Variants in CYP1A2 observed in about 807,000 individuals in gnomAD.
CYP1A2 encodes the protein cytochrome P450 1A2.
CYP1A2 carries 35 observed loss-of-function variants against 34.7 expected under a neutral mutation model. The ratio of observed to expected loss-of-function variants is 1.01; its 90% confidence interval spans 0.77 to 1.34. CYP1A2 has a LOEUF of 1.34. Among genes scored for constraint, CYP1A2 ranks in the 40% most tolerant of loss-of-function variants. CYP1A2 has a pLI of 0.00. For missense variants in CYP1A2, 675 were observed against 675.8 expected, an observed-to-expected ratio of 1.00 and a Z score of 0.01; for synonymous variants, 288 against 281.9, an observed-to-expected ratio of 1.02 and a Z score of -0.22.
chr15:74,750,839 G>A (rs1457026710), intron 2 of CYP1A2, among the ~76,000 whole-genome samples: 1 of 152,140 alleles, frequency 6.6e-6, no homozygotes, highest in African/African-American at 2.4e-5. Flanking sequence ...GCAATGTGGG[G>A]GGCCTATGAG....
chr15:74,754,991 C>G lies in CYP1A2; in HGVS notation c.1454C>G (p.Pro485Arg). The G allele has an allele frequency of 6.2e-7, 1 of 1,614,236 alleles. No individual in the cohort carries two copies. The highest frequency in any genetic ancestry group is 1.1e-5 in the South Asian group (1 of 91,090). ...LLQQLEFSVP[P>R]GVKVDLTPIY... ...CAGCAACTGGAGTTCAGCGTGCCGC[C>G]GGGCGTGAAAGTCGACCTGACCCCC... The change falls in exon 7 of 7, where the codon CCG (proline) becomes CGG (arginine). Residue 485 changes from proline (P) to arginine (R), a missense_variant. By Grantham distance (103) the Pro-to-Arg change is moderately radical. Coordinates refer to ENST00000343932, the MANE Select transcript of CYP1A2 (RefSeq NM_000761.5).
At position 74,750,416 on chromosome 15, in the gene CYP1A2, C is replaced by T. The variant is rs1596357673; in HGVS notation, c.678C>T (p.Phe226=). 3.7e-6 allele frequency: 6 copies of T among 1,614,146 alleles called. No individual in the cohort carries two copies. Among genetic ancestry groups the T allele is most frequent in the Non-Finnish European group, 5.1e-6 (6 of 1,180,030 alleles). ...MLSLVKNTHE[F]VETASSGNPL... is the part of the protein sequence containing the mutation. Reference sequence around the variant, plus strand: ...GCCTCGTGAAGAACACTCATGAGTTCGTGGAGACTGCCTCCTCCGGGAACC... The same window carrying T: ...GCCTCGTGAAGAACACTCATGAGTTTGTGGAGACTGCCTCCTCCGGGAACC... The change falls in exon 2 of 7, where the codon TTC becomes TTT. Residue 226 remains phenylalanine, a synonymous_variant. Coordinates refer to ENST00000343932, the MANE Select transcript of CYP1A2 (RefSeq NM_000761.5).
intron 6 of CYP1A2, 40 bp from the exon 7 acceptor site, chr15:74,754,751 C>A: frequency 6.3e-7 from 1 of 1,587,894 alleles, no homozygotes; most frequent in South Asian, 1.1e-5. Flanking sequence ...CCCAGGGCCT[C>A]TCCAGCCCTG....
In CYP1A2 at chr15:74,755,132, G is replaced by A. The variant is rs772658183; in HGVS notation, c.*44G>A. On this transcript the variant is annotated 3_prime_UTR_variant, in exon 7 of 7. Transcript: ENST00000343932. ...GAGGCCAGGGAGCGAGTGGGGGCCAGCCACGGGGACTCAGCCCTTGTTTCT... is the reference window on the plus strand; with the variant it reads ...GAGGCCAGGGAGCGAGTGGGGGCCAACCACGGGGACTCAGCCCTTGTTTCT... 2 of 1,575,998 alleles carry A rather than the reference G, an allele frequency of 1.3e-6. No individual in the cohort carries two copies. Among genetic ancestry groups the A allele is most frequent in the Non-Finnish European group, 1.7e-6 (2 of 1,159,256 alleles).
At chr15:74,750,671 C>A in intron 2 of CYP1A2, 102 bp downstream of exon 2, 1 of 1,004,926 alleles carries the variant, frequency 1.0e-6, no homozygotes, top group Non-Finnish European at 1.5e-6. Flanking sequence ...GTTGCCAAGG[C>A]CTAGGAAGGC....
At chr15:74,751,350 C>G in intron 3 of CYP1A2, 41 bp downstream of exon 3, 3 of 1,610,716 alleles carry the variant, frequency 1.9e-6, no homozygotes, top group Non-Finnish European at 2.5e-6. Flanking sequence ...ACAATGCCTG[C>G]TGTTCACCCA....
At chr15:74,751,515 C>T (rs1387830591) in intron 3 of CYP1A2, among the ~76,000 whole-genome samples, 3 of 152,208 alleles carry the variant, frequency 2.0e-5, no homozygotes, top group African/African-American at 4.8e-5. Flanking sequence ...CTCCCCTAGG[C>T]TTCAGTTTCC....
intron 5 of CYP1A2, 26 bp from the exon 6 acceptor site, chr15:74,753,158 C>G: frequency 2.5e-6 from 4 of 1,603,816 alleles, no homozygotes; most frequent in Non-Finnish European, 3.4e-6. Context: ...AGCCCTGAGC[C>G]TCACAGTGCC....
intron 3 of CYP1A2, 31 bp downstream of exon 3, chr15:74,751,340 A>G: frequency 6.2e-7 from 1 of 1,612,576 alleles, no homozygotes; most frequent in Non-Finnish European, 8.5e-7. Flanking sequence ...CCTCCATCCA[A>G]CAATGCCTGC....
rs566851431 is a variant in CYP1A2 at position 74,754,877 on chromosome 15, A to T, written c.1340A>T (p.Lys447Met). The change falls in exon 7 of 7, where the codon AAG (lysine) becomes ATG (methionine). Residue 447 changes from lysine (K) to methionine (M), a missense_variant. Coordinates refer to ENST00000343932, the MANE Select transcript of CYP1A2 (RefSeq NM_000761.5). ...GTAINKPLSE[K>M]MMLFGMGKRR... is the part of the protein sequence containing the mutation. ...GCCATTAACAAGCCCTTGAGTGAGA[A>T]GATGATGCTGTTTGGCATGGGCAAG... 120 of 1,614,236 alleles carry T rather than the reference A, an allele frequency of 7.4e-5. 4 individuals are homozygous for T. In the South Asian group the frequency reaches 1.2e-3, roughly 16 times the overall value.
chr15:74,751,651 C>A, intron 3 of CYP1A2, 114 bp from the exon 4 acceptor site: 2 of 1,084,490 alleles, frequency 1.8e-6, no homozygotes, highest in Non-Finnish European at 2.7e-6. Flanking sequence ...AGGAAACTCA[C>A]AGGCTAGGGC....
At chr15:74,752,014 G>C (rs2063317805) in intron 4 of CYP1A2, 110 bp from the exon 5 acceptor site, 33 of 1,560,126 alleles carry the variant, frequency 2.1e-5, no homozygotes, top group Non-Finnish European at 2.7e-5. Context: ...TGGGGTCGCA[G>C]ACTTGTGAAT....
rs747524403 is a variant in CYP1A2 at position 74,754,828 on chromosome 15, C to CG, written c.1293dup (p.Phe432ValfsTer10). ...GGACCCCTCTGAGTTCCGGCCTGAGCGGTTCCTCACCGCCGATGGCACTGC... is the reference window on the plus strand; with the variant it reads ...GGACCCCTCTGAGTTCCGGCCTGAGCGGGTTCCTCACCGCCGATGGCACTGC... On this transcript the variant is annotated frameshift_variant, in exon 7 of 7. Transcript: ENST00000343932. LOFTEE classifies it low-confidence loss of function (END_TRUNC). 3.1e-6 allele frequency: 5 copies of CG among 1,614,074 alleles called. No individual in the cohort carries two copies. The East Asian group carries it at 1.1e-4, about 36-fold the overall frequency.
At chr15:74,754,672 C>T (rs772899564) in intron 6 of CYP1A2, 119 bp from the exon 7 acceptor site, 7 of 929,196 alleles carry the variant, frequency 7.5e-6, no homozygotes, top group Non-Finnish European at 1.2e-5. Flanking sequence ...CCCACCTACC[C>T]TTCATTGCTT....
At position 74,756,503 on chromosome 15, in the gene CYP1A2, C is replaced by G. The variant is rs1383447129; in HGVS notation, c.*1415C>G. Among the ~76,000 whole-genome samples, 1 of 152,180 alleles carries G rather than the reference C, an allele frequency of 6.6e-6. No individual in the cohort carries two copies. Among genetic ancestry groups the G allele is most frequent in the East Asian group, 1.9e-4 (1 of 5,196 alleles). ...TCCCTCCACATTTCCCCCTAGCCTGCCTCCCCTGCCTCACCAGCCCTGGCA... is the reference window on the plus strand; with the variant it reads ...TCCCTCCACATTTCCCCCTAGCCTGGCTCCCCTGCCTCACCAGCCCTGGCA... On this transcript the variant is annotated 3_prime_UTR_variant, in exon 7 of 7. Coordinates refer to ENST00000343932, the MANE Select transcript of CYP1A2 (RefSeq NM_000761.5).
rs33923017 is a variant in CYP1A2, at chr15:74,755,448, C to CT, written c.*373dup. The CT allele has an allele frequency of 0.14, 19,276 of 142,174 alleles. 2,732 individuals are homozygous for CT. The highest frequency in any genetic ancestry group is 0.31 in the African/African-American group (11,538 of 37,436). The allele number at this position is 142,174 out of a possible 1,614,324, so 8.8% of individuals were successfully genotyped here. A position where few individuals can be genotyped will look rare whatever the true frequency, so the allele number is the denominator to read the frequency against. On this transcript the variant is annotated 3_prime_UTR_variant, in exon 7 of 7. Coordinates refer to ENST00000343932, the MANE Select transcript of CYP1A2 (RefSeq NM_000761.5). ...ATTCTTATGCCATATAATTCACCTT[C>CT]TTTTTTTTTTTTTGTCTGAGACAGA... is the stretch of plus-strand genomic sequence containing the variant.
Position 74,750,203 on chromosome 15 carries a change from C to T in CYP1A2, c.465C>T (p.Ser155=). Residue 155 remains serine (S), a synonymous_variant, in exon 2 of 7, where the codon TCC becomes TCT. Coordinates refer to ENST00000343932, the MANE Select transcript of CYP1A2 (RefSeq NM_000761.5). ...NTFSIASDPA[S]SSSCYLEEHV... ...TCTCCATCGCCTCTGACCCAGCTTC[C>T]TCATCCTCCTGCTACCTGGAGGAGC... 1.2e-6 allele frequency: 2 copies of T among 1,614,208 alleles called. No homozygotes were observed. The highest frequency in any genetic ancestry group is 1.7e-6 in the Non-Finnish European group (2 of 1,180,050).
rs539368728 is a variant in CYP1A2, at chr15:74,749,876, G to A, written c.138G>A (p.Trp46Ter). 44 of 1,608,844 alleles carry A rather than the reference G, an allele frequency of 2.7e-5. No homozygotes were observed. Among genetic ancestry groups the A allele is most frequent in the Admixed American group, 5.0e-5 (3 of 59,844 alleles). ...GCCTGAAAAGTCCACCAGAGCCATGGGGCTGGCCCTTGCTCGGGCATGTGC... is the reference window on the plus strand; with the variant it reads ...GCCTGAAAAGTCCACCAGAGCCATGAGGCTGGCCCTTGCTCGGGCATGTGC... ...PKGLKSPPEP[W>*]GWPLLGHVLT... The change falls in exon 2 of 7, where the codon TGG (tryptophan) becomes TGA (stop). Residue 46 changes from tryptophan (W) to a stop codon, truncating the protein, a stop_gained. Transcript: ENST00000343932. LOFTEE classifies it high-confidence loss of function.
At chr15:74,751,060 C>T in intron 2 of CYP1A2, 129 bp from the exon 3 acceptor site, 3 of 1,320,874 alleles carry the variant, frequency 2.3e-6, no homozygotes, top group Non-Finnish European at 3.1e-6. Flanking sequence ...GCTGCAACCC[C>T]CTGCCTAGAG....
Sources: gnomAD v4.1 joint callset for allele counts (sites outside exome capture counted in the v4.1 genomes callset) on GRCh38, gnomAD v4.1.1 for gene constraint, MANE v1.5 for transcripts, NCBI Gene and HGNC (gene_info 2026-07-23, HGNC 2026-07-21) for gene names.